Variants in TASP1 observed in about 807,000 individuals in gnomAD.
TASP1 encodes the protein taspase 1, also known as threonine aspartase 1.
Under a neutral mutation model 56.6 loss-of-function variants are expected in TASP1, and 16 were observed. The ratio of observed to expected loss-of-function variants is 0.28; its 90% confidence interval spans 0.19 to 0.43. The LOEUF (loss-of-function observed/expected upper bound fraction) is 0.43. TASP1 is among the 20% of genes least tolerant of loss of function. The pLI is 1.00. For synonymous variants in TASP1, 179 were observed against 184.2 expected, an observed-to-expected ratio of 0.97 and a Z score of 0.23; for missense variants, 393 against 511.6, an observed-to-expected ratio of 0.77 and a Z score of 2.24.
At chr20:13,601,439 AAAAT>A (rs758178129) in intron 4 of TASP1, among the ~76,000 whole-genome samples, 1 of 152,376 alleles carries the variant, frequency 6.6e-6, no homozygotes, top group Admixed American at 6.5e-5. Context: ...TTTGAGCAAC[AAAAT>A]AAATAAAGCA....
chr20:13,502,958 T>C (rs373305728), intron 10 of TASP1, among the ~76,000 whole-genome samples: 65 of 152,156 alleles, frequency 4.3e-4, no homozygotes, highest in African/African-American at 1.5e-3. Flanking sequence ...CCAAAAGAGA[T>C]ACCCTCACCA....
At chr20:13,129,614 C>G in the TASP1 span, among the ~76,000 whole-genome samples, 1 of 152,174 alleles carries the variant, frequency 6.6e-6, no homozygotes, top group Admixed American at 6.5e-5. Flanking sequence ...CACTCATTTC[C>G]GGAGTCCTTT....
At chr20:13,224,908 CG>C in the TASP1 span, among the ~76,000 whole-genome samples, 1 of 144,376 alleles carries the variant, frequency 6.9e-6, no homozygotes, top group African/African-American at 2.6e-5. Flanking sequence ...TGCAGTGGCG[CG>C]ATCTCTGCTC....
At chr20:13,348,656 T>C in the TASP1 span, among the ~76,000 whole-genome samples, 1 of 152,210 alleles carries the variant, frequency 6.6e-6, no homozygotes, top group Non-Finnish European at 1.5e-5. Flanking sequence ...GAGCATCTAG[T>C]TCTGGCTCCA....
chr20:13,272,561 T>C, the TASP1 span, among the ~76,000 whole-genome samples: 117 of 152,300 alleles, frequency 7.7e-4, no homozygotes, highest in African/African-American at 2.7e-3. Context: ...ACAGGCTCTA[T>C]TGATGGCACA....
rs75948442 is a variant in TASP1 at position 13,550,541 on chromosome 20, T to A, written c.675+8467A>T. On this transcript the variant is annotated intron_variant, in intron 8 of 13. Transcript: ENST00000337743. ...CAGAATGAGTTTTCGGTTTTATTTT[T>A]AAAAAATACATAAAGTAATCTCTTT... Among the ~76,000 whole-genome samples, 146 of 152,158 alleles carry A rather than the reference T, an allele frequency of 9.6e-4. 2 individuals are homozygous for A. The East Asian group carries it at 0.027, about 28-fold the overall frequency.
intron 8 of TASP1, among the ~76,000 whole-genome samples, chr20:13,551,729 T>C (rs1160739016): frequency 6.6e-6 from 1 of 152,192 alleles, no homozygotes; most frequent in African/African-American, 2.4e-5. Context: ...GGCCAATGAG[T>C]TAATGAGTTA....
the TASP1 span, among the ~76,000 whole-genome samples, chr20:13,350,537 G>T: frequency 6.6e-6 from 1 of 151,960 alleles, no homozygotes; most frequent in Non-Finnish European, 1.5e-5. Flanking sequence ...TAAAACTTAC[G>T]CTCTATGAAA....
the TASP1 span, among the ~76,000 whole-genome samples, chr20:13,194,270 C>A: frequency 2.6e-5 from 4 of 151,934 alleles, no homozygotes; most frequent in African/African-American, 9.7e-5. Flanking sequence ...TGGATTAGGA[C>A]AATATGGCTC....
chr20:13,439,793 A>C (rs1225878901), intron 11 of TASP1, among the ~76,000 whole-genome samples: 2 of 152,172 alleles, frequency 1.3e-5, no homozygotes, highest in Non-Finnish European at 2.9e-5. Context: ...GAAAATCATA[A>C]AGCTAGGCCA....
chr20:13,435,937 T>G (rs2146196730), intron 11 of TASP1, among the ~76,000 whole-genome samples: 1 of 152,176 alleles, frequency 6.6e-6, no homozygotes, highest in East Asian at 1.9e-4. Flanking sequence ...CATGTATTTT[T>G]CTCCCTCCCT....
chr20:13,501,714 G>A (rs1039694516), intron 10 of TASP1, among the ~76,000 whole-genome samples: 17 of 151,904 alleles, frequency 1.1e-4, no homozygotes, highest in African/African-American at 3.6e-4. Context: ...TAAAAGGCAC[G>A]GGTTATCAAT....
the TASP1 span, among the ~76,000 whole-genome samples, chr20:13,213,529 T>C: frequency 6.6e-6 from 1 of 152,190 alleles, no homozygotes; most frequent in East Asian, 1.9e-4. Flanking sequence ...TCCTCTAATA[T>C]GGTCACAGCC....
intron 4 of TASP1, among the ~76,000 whole-genome samples, chr20:13,621,750 T>C (rs776108878): frequency 2.6e-5 from 4 of 152,210 alleles, no homozygotes; most frequent in Non-Finnish European, 4.4e-5. Context: ...AAACATGATA[T>C]ATAAGTATGA....
intron 13 of TASP1, among the ~76,000 whole-genome samples, chr20:13,405,078 C>A (rs1473313075): frequency 2.0e-5 from 3 of 152,108 alleles, no homozygotes; most frequent in Non-Finnish European, 2.9e-5. Context: ...TTTCACCAAT[C>A]CTCACCTAAT....
At chr20:13,626,416 G>C (rs543058110) in intron 2 of TASP1, among the ~76,000 whole-genome samples, 6 of 152,276 alleles carry the variant, frequency 3.9e-5, no homozygotes, top group African/African-American at 1.4e-4. Flanking sequence ...AACAGAGTGA[G>C]ACTTTGACTC....
chr20:13,495,962 C>T (rs1446526909), intron 10 of TASP1, among the ~76,000 whole-genome samples: 1 of 152,054 alleles, frequency 6.6e-6, no homozygotes, highest in African/African-American at 2.4e-5. Context: ...TCTACAAATC[C>T]CAAATTAAGA....
chr20:13,576,253 A>AGAAGAGAAGAGAAAGGAAGG (rs1568602570), intron 6 of TASP1, among the ~76,000 whole-genome samples: 8 of 145,478 alleles, frequency 5.5e-5, no homozygotes, highest in African/African-American at 1.5e-4. Flanking sequence ...GGAAGGGAAG[A>AGAAGAGAAGAGAAAGGAAGG]TAAGAGAAGA....
chr20:13,295,536 C>A, the TASP1 span, among the ~76,000 whole-genome samples: 2 of 152,182 alleles, frequency 1.3e-5, no homozygotes, highest in Non-Finnish European at 2.9e-5. Flanking sequence ...GTCCTTCCCC[C>A]ATCGATGCTA....
Sources: allele counts gnomAD v4.1 joint callset (sites outside exome capture counted in the v4.1 genomes callset), GRCh38; gene constraint gnomAD v4.1.1; transcripts MANE v1.5; gene names NCBI Gene and HGNC (gene_info 2026-07-23, HGNC 2026-07-21).